NAALADL2: variants seen among roughly 807,000 people sequenced by gnomAD.
NAALADL2 encodes the protein inactive N-acetylated-alpha-linked acidic dipeptidase-like protein 2.
NAALADL2 carries 76 observed loss-of-function variants against 87.2 expected under a neutral mutation model. That is an observed-to-expected ratio of 0.87 (90% CI 0.72 to 1.05). The LOEUF (loss-of-function observed/expected upper bound fraction) is 1.05, where lower values mean the gene tolerates loss of function less well. Ranked by LOEUF, NAALADL2 falls within the 50% of genes least tolerant of loss-of-function variation. The probability of loss-of-function intolerance (pLI) is 0.00; values close to 1 mark genes in which losing one functional copy is unlikely to be tolerated. For synonymous variants in NAALADL2, 354 were observed against 331.0 expected, an observed-to-expected ratio of 1.07 and a Z score of -0.75; for missense variants, 1,089 against 945.8, an observed-to-expected ratio of 1.15 and a Z score of -1.99.
Position 174,894,594 on chromosome 3 carries a change from C to CAAAAAAAAAAAAAAAAAAAA in NAALADL2, c.43+35174_43+35193dup, listed in dbSNP as rs869161862. 1.0e-4 allele frequency among the ~76,000 whole-genome samples: 5 copies of CAAAAAAAAAAAAAAAAAAAA among 48,476 alleles called. 1 individual carries two copies. Among genetic ancestry groups the CAAAAAAAAAAAAAAAAAAAA allele is most frequent in the Non-Finnish European group, 1.7e-4 (5 of 28,730 alleles). 31.8% of individuals were successfully genotyped at this position (48,476 alleles called of 152,430 possible). On this transcript the variant is annotated intron_variant, in intron 1 of 13. Transcript: ENST00000454872. ...GGGCAAAAAGAGTGAAACTCCGTCT[C>CAAAAAAAAAAAAAAAAAAAA]AAAAAAAAAAAAAAAAAAAAAAAAA...
chr3:174,680,158 A>ATGT (rs3040029), intron 2 of NAALADL2, among the ~76,000 whole-genome samples: 123,289 of 152,018 alleles, frequency 0.81, 50,214 homozygotes, highest in East Asian at 0.93. Flanking sequence ...ATTTCTCAAA[A>ATGT]TGTTGAAACT....
chr3:174,842,620 C>T (rs1188813285), intron 3 of NAALADL2, among the ~76,000 whole-genome samples: 4 of 152,124 alleles, frequency 2.6e-5, no homozygotes, highest in Non-Finnish European at 5.9e-5. Context: ...ATACTTCTTT[C>T]AGAATTTGGG....
At chr3:174,698,170 G>A (rs1473102807) in intron 2 of NAALADL2, among the ~76,000 whole-genome samples, 1 of 152,002 alleles carries the variant, frequency 6.6e-6, no homozygotes, top group Non-Finnish European at 1.5e-5. Context: ...TATTTTCCTG[G>A]GAGGAAATCA....
chr3:175,420,277 T>G (rs1185288103), intron 5 of NAALADL2, among the ~76,000 whole-genome samples: 1 of 152,070 alleles, frequency 6.6e-6, no homozygotes, highest in Non-Finnish European at 1.5e-5. Context: ...ATTGGCACTT[T>G]CATCGTCTAT....
chr3:175,118,120 TG>T (rs397693033), intron 2 of NAALADL2, among the ~76,000 whole-genome samples: 9 of 24,996 alleles, frequency 3.6e-4, no homozygotes, highest in Non-Finnish European at 6.5e-4. Flanking sequence ...TGTCGTAGGG[TG>T]GGGGGGAGGC....
rs113514730 is a variant in NAALADL2 at position 174,731,492 on chromosome 3, C to T, written c.-114-6149C>T. Among the ~76,000 whole-genome samples the T allele has an allele frequency of 2.0e-3, 297 of 152,136 alleles. 1 individual carries two copies. Among genetic ancestry groups the T allele is most frequent in the African/African-American group, 6.9e-3 (285 of 41,528 alleles). On this transcript the variant is annotated intron_variant, in intron 2 of 3. Coordinates refer to the NAALADL2 transcript ENST00000434257. Reference sequence around the variant, plus strand: ...GTGTCTTATTTCAGGACTGGTGAAACATAATTAATATATTTTCATAACTTA... The same window carrying T: ...GTGTCTTATTTCAGGACTGGTGAAATATAATTAATATATTTTCATAACTTA...
intron 1 of NAALADL2, among the ~76,000 whole-genome samples, chr3:174,899,923 T>C (rs1195427441): frequency 6.6e-6 from 1 of 152,120 alleles, no homozygotes; most frequent in Non-Finnish European, 1.5e-5. Context: ...AAGCTAACAA[T>C]TTCAAAATAA....
chr3:175,533,814 G>C (rs753957977), intron 9 of NAALADL2, among the ~76,000 whole-genome samples: 19 of 152,064 alleles, frequency 1.2e-4, no homozygotes, highest in Non-Finnish European at 2.4e-4. Flanking sequence ...GCCAATCTTA[G>C]CAGATTTGAG....
chr3:175,710,621 C>T (rs927066360), intron 11 of NAALADL2, among the ~76,000 whole-genome samples: 103 of 151,184 alleles, frequency 6.8e-4, no homozygotes, highest in African/African-American at 2.4e-3. Context: ...CACATATACA[C>T]ATATAGACAC....
At chr3:175,728,823 C>T (rs1039605484) in intron 11 of NAALADL2, among the ~76,000 whole-genome samples, 1 of 152,100 alleles carries the variant, frequency 6.6e-6, no homozygotes, top group Admixed American at 6.6e-5. Context: ...GTTTTCTGAC[C>T]CTATGCCCCA....
intron 11 of NAALADL2, among the ~76,000 whole-genome samples, chr3:175,667,233 A>AAGAAAGAAAGAAAGAAAGAAAG (rs1553945341): frequency 3.6e-5 from 4 of 110,164 alleles, no homozygotes; most frequent in Non-Finnish European, 7.0e-5. Flanking sequence ...GAAAGAAAGA[A>AAGAAAGAAAGAAAGAAAGAAAG]AGAAAGAAAA....
intron 2 of NAALADL2, among the ~76,000 whole-genome samples, chr3:174,609,472 G>C (rs982291451): frequency 3.7e-4 from 57 of 152,080 alleles, no homozygotes; most frequent in Non-Finnish European, 6.3e-4. Context: ...AAAATCTCAG[G>C]ATACAAAATC....
chr3:174,599,314 T>G (rs1233425752), intron 2 of NAALADL2, among the ~76,000 whole-genome samples: 1 of 152,148 alleles, frequency 6.6e-6, no homozygotes, highest in African/African-American at 2.4e-5. Context: ...CAACACATTT[T>G]TAAAATGGCT....
chr3:175,406,112 G>A (rs1712330691), intron 5 of NAALADL2, among the ~76,000 whole-genome samples: 2 of 152,224 alleles, frequency 1.3e-5, no homozygotes, highest in South Asian at 4.1e-4. Flanking sequence ...ATAATTTCCG[G>A]TCATGATTAC....
upstream of NAALADL2, among the ~76,000 whole-genome samples, chr3:174,857,327 T>C (rs1247136406): frequency 6.6e-6 from 1 of 152,160 alleles, no homozygotes; most frequent in Non-Finnish European, 1.5e-5. Flanking sequence ...ACTCAATCAG[T>C]ATTTATGTTA....
intron 5 of NAALADL2, among the ~76,000 whole-genome samples, chr3:175,335,317 G>A (rs1314203181): frequency 1.3e-5 from 2 of 152,148 alleles, no homozygotes; most frequent in African/African-American, 4.8e-5. Context: ...GCAAAATTCC[G>A]TTGGAATGAG....
chr3:175,190,377 TA>T (rs562300279), intron 2 of NAALADL2, among the ~76,000 whole-genome samples: 167 of 151,224 alleles, frequency 1.1e-3, no homozygotes, highest in African/African-American at 3.9e-3. Context: ...AATAACCCAA[TA>T]AAAAAATGGG....
In NAALADL2 at chr3:175,271,589, C is replaced by G. The variant is rs561340246; in HGVS notation, c.939+15059C>G. ...GGTGGATCACCTGAGGTCAGGAGCTCGAGACCAGCCTGGCCAAGATGGTGA... is the reference window on the plus strand; with the variant it reads ...GGTGGATCACCTGAGGTCAGGAGCTGGAGACCAGCCTGGCCAAGATGGTGA... On this transcript the variant is annotated intron_variant, in intron 4 of 13. Coordinates refer to ENST00000454872, the MANE Select transcript of NAALADL2 (RefSeq NM_207015.3). Among the ~76,000 whole-genome samples, 1,186 of 152,140 alleles carry G rather than the reference C, an allele frequency of 7.8e-3. 16 individuals are homozygous for G. Among genetic ancestry groups the G allele is most frequent in the South Asian group, 0.037 (177 of 4,820 alleles).
intron 1 of NAALADL2, among the ~76,000 whole-genome samples, chr3:174,915,336 T>C (rs985796109): frequency 6.6e-6 from 1 of 152,140 alleles, no homozygotes; most frequent in African/African-American, 2.4e-5. Context: ...GTGGTTAAGA[T>C]CTAGGCTTTG....
Sources: allele counts gnomAD v4.1 joint callset (sites outside exome capture counted in the v4.1 genomes callset), GRCh38; gene constraint gnomAD v4.1.1; transcripts MANE v1.5; gene names NCBI Gene and HGNC (gene_info 2026-07-23, HGNC 2026-07-21).